The following RIMS2 variants were observed in gnomAD, a reference collection of about 807,000 sequenced individuals.
RIMS2 encodes regulating synaptic membrane exocytosis protein 2.
Under a neutral mutation model 174.4 loss-of-function variants are expected in RIMS2, and 59 were observed. The ratio of observed to expected loss-of-function variants is 0.34; its 90% CI spans 0.27 to 0.42. The LOEUF (loss-of-function observed/expected upper bound fraction) is 0.42. RIMS2 is among the 10% of genes least tolerant of loss of function. The pLI is 1.00. For synonymous variants in RIMS2, 606 were observed against 572.5 expected, an observed-to-expected ratio of 1.06 and a Z score of -0.84; for missense variants, 1,620 against 1,666.3, an observed-to-expected ratio of 0.97 and a Z score of 0.48.
intron 1 of RIMS2, among the ~76,000 whole-genome samples, chr8:103,587,851 C>A (rs1178646311): frequency 6.6e-6 from 1 of 152,026 alleles, no homozygotes; most frequent in Non-Finnish European, 1.5e-5. Flanking sequence ...TGGAACGTGA[C>A]AGTGATGCCC....
intron 1 of RIMS2, among the ~76,000 whole-genome samples, chr8:103,522,551 G>A (rs1047331266): frequency 1.3e-5 from 2 of 152,032 alleles, no homozygotes; most frequent in Non-Finnish European, 2.9e-5. Context: ...TGAGCTTGTT[G>A]GAACCTATCT....
At chr8:103,578,247 C>A (rs544035900) in intron 1 of RIMS2, among the ~76,000 whole-genome samples, 9 of 152,104 alleles carry the variant, frequency 5.9e-5, no homozygotes, top group African/African-American at 2.2e-4. Flanking sequence ...ACTAACATAT[C>A]GGCCAGGCAT....
intron 20 of RIMS2, among the ~76,000 whole-genome samples, chr8:104,246,556 A>T (rs1240047435): frequency 6.6e-6 from 1 of 152,224 alleles, no homozygotes; most frequent in East Asian, 1.9e-4. Context: ...TAAAAGAAAA[A>T]CTAGTAAAAT....
exon 20 of RIMS2, chr8:104,244,968 C>G: frequency 6.2e-7 from 1 of 1,613,702 alleles, no homozygotes; most frequent in Non-Finnish European, 8.5e-7. Context: ...CAGAAACAGG[C>G]CTGGCCGTGG....
intron 3 of RIMS2, among the ~76,000 whole-genome samples, chr8:103,807,280 T>C (rs2098656435): frequency 6.6e-6 from 1 of 151,952 alleles, no homozygotes; most frequent in Non-Finnish European, 1.5e-5. Context: ...GTAAAAATGG[T>C]TTAAAAGTCA....
chr8:103,947,441 C>T (rs2084073620), intron 14 of RIMS2, among the ~76,000 whole-genome samples: 1 of 152,108 alleles, frequency 6.6e-6, no homozygotes, highest in African/African-American at 2.4e-5. Flanking sequence ...GGTGGTGTAG[C>T]CTACTATACA....
chr8:103,561,462 A>C (rs1356043091), intron 1 of RIMS2, among the ~76,000 whole-genome samples: 1 of 152,208 alleles, frequency 6.6e-6, no homozygotes, highest in Non-Finnish European at 1.5e-5. Context: ...TTCTGTAATG[A>C]TTAAAATTAT....
intron 19 of RIMS2, among the ~76,000 whole-genome samples, chr8:104,016,632 A>G (rs1304188384): frequency 6.6e-6 from 1 of 152,064 alleles, no homozygotes; most frequent in Non-Finnish European, 1.5e-5. Flanking sequence ...AAGTTTAGTA[A>G]TATTTATGGA....
chr8:103,639,207 A>G (rs1392245730), intron 1 of RIMS2, among the ~76,000 whole-genome samples: 2 of 151,922 alleles, frequency 1.3e-5, no homozygotes, highest in African/African-American at 4.8e-5. Flanking sequence ...GTTCTTTAGG[A>G]CACCTCCTTT....
intron 1 of RIMS2, among the ~76,000 whole-genome samples, chr8:103,581,282 A>G (rs1475648791): frequency 6.6e-6 from 1 of 152,240 alleles, no homozygotes; most frequent in Non-Finnish European, 1.5e-5. Flanking sequence ...ATCATTCACC[A>G]TGATCAAGTG....
chr8:103,660,134 C>T (rs1179023820), intron 1 of RIMS2, among the ~76,000 whole-genome samples: 1 of 152,194 alleles, frequency 6.6e-6, no homozygotes, highest in Non-Finnish European at 1.5e-5. Context: ...AGGTCTTCCA[C>T]GTCAATTACC....
chr8:104,189,214 T>G (rs2098984792), intron 19 of RIMS2, among the ~76,000 whole-genome samples: 1 of 151,914 alleles, frequency 6.6e-6, no homozygotes, highest in African/African-American at 2.4e-5. Flanking sequence ...AAGCCCCCAA[T>G]AAGTTTCGAA....
chr8:104,060,941 G>A (rs979997600), intron 19 of RIMS2, among the ~76,000 whole-genome samples: 318 of 152,128 alleles, frequency 2.1e-3, no homozygotes, highest in African/African-American at 7.4e-3. Context: ...GAGACAGTTT[G>A]TTATAATCTC....
Position 103,637,528 on chromosome 8 carries a change from C to T in RIMS2, c.177-59558C>T, listed in dbSNP as rs558536084. 3.7e-4 allele frequency among the ~76,000 whole-genome samples: 56 copies of T among 152,218 alleles called. 2 individuals carry two copies. The South Asian group carries it at 0.011, about 29-fold the overall frequency. ...TTTTAAAAATGTTTTATAGAATTCACCATTGAAGCCATGTGGGCCTGGAGT... is the reference window on the plus strand; with the variant it reads ...TTTTAAAAATGTTTTATAGAATTCATCATTGAAGCCATGTGGGCCTGGAGT... On this transcript the variant is annotated intron_variant, in intron 1 of 23. Coordinates refer to ENST00000504942, the Ensembl canonical transcript of RIMS2.
intron 1 of RIMS2, among the ~76,000 whole-genome samples, chr8:103,516,665 C>A (rs1345478258): frequency 5.3e-5 from 8 of 151,956 alleles, no homozygotes; most frequent in African/African-American, 1.9e-4. Flanking sequence ...TGTAGTATTC[C>A]TACATACTTT....
chr8:104,216,817 C>T (rs2099132033), intron 19 of RIMS2, among the ~76,000 whole-genome samples: 1 of 152,086 alleles, frequency 6.6e-6, no homozygotes, highest in Admixed American at 6.6e-5. Flanking sequence ...CTGCTGTATC[C>T]CCAGTGACTA....
chr8:103,592,691 A>G (rs990515719), intron 1 of RIMS2, among the ~76,000 whole-genome samples: 1 of 151,412 alleles, frequency 6.6e-6, no homozygotes, highest in African/African-American at 2.4e-5. Flanking sequence ...TTTTATATTT[A>G]CATCTGGTGC....
chr8:104,248,412 G>A (rs780994940), intron 20 of RIMS2, among the ~76,000 whole-genome samples: 7 of 152,176 alleles, frequency 4.6e-5, no homozygotes, highest in Non-Finnish European at 4.4e-5. Context: ...AATATGTGCT[G>A]AGTGTTACTC....
chr8:104,173,040 A>G (rs2098841239), intron 19 of RIMS2, among the ~76,000 whole-genome samples: 1 of 152,164 alleles, frequency 6.6e-6, no homozygotes, highest in East Asian at 1.9e-4. Flanking sequence ...GTGTCCATAC[A>G]TTTGCTATCT....
Sources: gnomAD v4.1 joint callset for allele counts (sites outside exome capture counted in the v4.1 genomes callset) on GRCh38, gnomAD v4.1.1 for gene constraint, MANE v1.5 for transcripts, NCBI Gene and HGNC (gene_info 2026-07-23, HGNC 2026-07-21) for gene names.